EXOC6: variants seen among roughly 807,000 people sequenced by gnomAD.
EXOC6 encodes SEC15-like 1.
EXOC6 carries 60 observed loss-of-function variants against 112.5 expected under a neutral mutation model. The ratio of observed to expected loss-of-function variants is 0.53; its 90% CI spans 0.43 to 0.66. EXOC6 has a LOEUF of 0.66. EXOC6 is among the 30% of genes least tolerant of loss of function. The pLI, the probability that EXOC6 is intolerant of heterozygous loss-of-function variation, is 0.00. For missense variants in EXOC6, 855 were observed against 957.1 expected, an observed-to-expected ratio of 0.89 and a Z score of 1.41; for synonymous variants, 295 against 308.0, an observed-to-expected ratio of 0.96 and a Z score of 0.44.
At chr10:92,856,176 T>C (rs1564775419) in intron 1 of EXOC6, among the ~76,000 whole-genome samples, 2 of 152,084 alleles carry the variant, frequency 1.3e-5, no homozygotes, top group African/African-American at 4.8e-5. Context: ...TCTATTGTTT[T>C]TCTGTTACAT....
chr10:92,914,772 G>A (rs1205004578), intron 6 of EXOC6, among the ~76,000 whole-genome samples: 2 of 152,186 alleles, frequency 1.3e-5, no homozygotes, highest in Non-Finnish European at 2.9e-5. Context: ...GTGCCTTAGA[G>A]AGAACTCACC....
intron 20 of EXOC6, among the ~76,000 whole-genome samples, chr10:93,041,616 A>G (rs1845782165): frequency 6.6e-6 from 1 of 151,998 alleles, no homozygotes; most frequent in African/African-American, 2.4e-5. Flanking sequence ...GTCTTACCAC[A>G]TCGGCCAGGT....
At chr10:93,023,632 A>G (rs183119263) in intron 20 of EXOC6, among the ~76,000 whole-genome samples, 305 of 151,332 alleles carry the variant, frequency 2.0e-3, no homozygotes, top group African/African-American at 6.9e-3. Context: ...GTTACCCCCT[A>G]TTCTGAAATT....
At chr10:92,896,199 T>A (rs1473033628) in intron 4 of EXOC6, among the ~76,000 whole-genome samples, 1,428 of 49,576 alleles carry the variant, frequency 0.029, 80 homozygotes, top group South Asian at 0.044. Flanking sequence ...TTTTTTTTTT[T>A]TTTTTTTTTT....
intron 20 of EXOC6, among the ~76,000 whole-genome samples, chr10:93,036,501 C>T (rs1311996917): frequency 6.6e-6 from 1 of 151,974 alleles, no homozygotes; most frequent in African/African-American, 2.4e-5. Flanking sequence ...TTAAACAAGT[C>T]CTCATTTGTT....
chr10:93,029,790 G>A (rs1050145410), intron 20 of EXOC6, among the ~76,000 whole-genome samples: 1 of 151,992 alleles, frequency 6.6e-6, no homozygotes, highest in Non-Finnish European at 1.5e-5. Flanking sequence ...TCCATCCAAA[G>A]TTGATTTTTA....
At chr10:93,015,106 G>A (rs893074377) in intron 20 of EXOC6, among the ~76,000 whole-genome samples, 3 of 152,006 alleles carry the variant, frequency 2.0e-5, no homozygotes, top group Non-Finnish European at 4.4e-5. Context: ...TATGGAGATT[G>A]AATTAAAACA....
chr10:92,907,663 T>C (rs1304374668), intron 5 of EXOC6, among the ~76,000 whole-genome samples: 1 of 152,216 alleles, frequency 6.6e-6, no homozygotes, highest in Non-Finnish European at 1.5e-5. Flanking sequence ...TTTTGAAATA[T>C]ACCTAGTTCA....
chr10:92,926,222 A>C (rs999617267), intron 8 of EXOC6, among the ~76,000 whole-genome samples: 2 of 152,012 alleles, frequency 1.3e-5, no homozygotes, highest in Non-Finnish European at 2.9e-5. Flanking sequence ...TACTTAGGCC[A>C]TTTGCATCAG....
At chr10:92,827,659 T>C (rs771539552) in intron 1 of EXOC6, among the ~76,000 whole-genome samples, 33 of 152,026 alleles carry the variant, frequency 2.2e-4, no homozygotes, top group Admixed American at 1.4e-3. Context: ...AAAAAGCTGC[T>C]GCTATCTGTG....
intron 1 of EXOC6, among the ~76,000 whole-genome samples, chr10:92,880,800 G>A (rs946850279): frequency 1.2e-4 from 18 of 152,044 alleles, no homozygotes; most frequent in African/African-American, 4.3e-4. Flanking sequence ...AGGGCATCCA[G>A]GGGTAGAAAA....
At chr10:92,978,366 T>C (rs1330222297) in intron 18 of EXOC6, among the ~76,000 whole-genome samples, 4 of 152,098 alleles carry the variant, frequency 2.6e-5, no homozygotes, top group Admixed American at 2.6e-4. Flanking sequence ...GCCGTAATCA[T>C]GCTACTGTGC....
intron 14 of EXOC6, among the ~76,000 whole-genome samples, chr10:92,949,584 CTGCTTGTGG>C (rs1160681081): frequency 1.4e-4 from 20 of 146,382 alleles, no homozygotes; most frequent in African/African-American, 5.0e-4. Context: ...TGTGCTAGCT[CTGCTTGTGG>C]CTTTTTTTTT....
chr10:92,899,725 T>C (rs1850052982), intron 5 of EXOC6, 81 bp downstream of exon 5: 4 of 1,042,256 alleles, frequency 3.8e-6, no homozygotes, highest in African/African-American at 3.2e-5. Context: ...CTATAAATCA[T>C]AGTGAATCAT....
chr10:92,925,188 A>G (rs1037777534), intron 8 of EXOC6, among the ~76,000 whole-genome samples: 1 of 152,232 alleles, frequency 6.6e-6, no homozygotes, highest in South Asian at 2.1e-4. Flanking sequence ...AAGTAATGAA[A>G]ACAGAATAAG....
upstream of EXOC6, among the ~76,000 whole-genome samples, chr10:92,845,742 C>A (rs759917644): frequency 5.9e-5 from 9 of 151,874 alleles, no homozygotes; most frequent in Non-Finnish European, 8.8e-5. Flanking sequence ...AGTTTGAGAC[C>A]AGCCTGACCA....
intron 18 of EXOC6, among the ~76,000 whole-genome samples, chr10:92,975,990 T>A (rs1477345593): frequency 7.3e-6 from 1 of 136,340 alleles, no homozygotes. Context: ...CAGCCGCCCC[T>A]ACTGGGAAGT....
chr10:92,886,939 T>A (rs1168803726), intron 1 of EXOC6, among the ~76,000 whole-genome samples: 1 of 152,206 alleles, frequency 6.6e-6, no homozygotes, highest in Non-Finnish European at 1.5e-5. Context: ...TAATACATAA[T>A]AAGTACTTGG....
intron 1 of EXOC6, among the ~76,000 whole-genome samples, chr10:92,875,545 ACTGTGT>A (rs1848648098): frequency 1.3e-5 from 2 of 152,198 alleles, no homozygotes; most frequent in Admixed American, 6.5e-5. Flanking sequence ...ATGAATTCCT[ACTGTGT>A]TACATAACAG....
Sources: allele counts gnomAD v4.1 joint callset (sites outside exome capture counted in the v4.1 genomes callset), GRCh38; gene constraint gnomAD v4.1.1; transcripts MANE v1.5; gene names NCBI Gene and HGNC (gene_info 2026-07-23, HGNC 2026-07-21).